The following TNFRSF25 variants were observed in gnomAD, a reference collection of about 807,000 sequenced individuals.
The protein encoded by TNFRSF25 is TNF receptor superfamily member 25.
Under a neutral mutation model 49.4 loss-of-function variants are expected in TNFRSF25, and 28 were observed. That is an observed-to-expected ratio of 0.57 (90% CI 0.42 to 0.78). The LOEUF (loss-of-function observed/expected upper bound fraction) is 0.78. Among genes scored for constraint, TNFRSF25 ranks in the 30% least tolerant of loss-of-function variants. The pLI is 0.00. For synonymous variants in TNFRSF25, 240 were observed against 234.2 expected, an observed-to-expected ratio of 1.02 and a Z score of -0.23; for missense variants, 531 against 581.6, an observed-to-expected ratio of 0.91 and a Z score of 0.90.
chr1:6,463,585 GGGT>G, intron 5 of TNFRSF25: 1 of 169,854 alleles, frequency 5.9e-6, no homozygotes, highest in Non-Finnish European at 1.3e-5. Flanking sequence ...AATTAGCCGG[GGGT>G]GGTGGTGGGC....
rs984898719 is a variant in TNFRSF25, at chr1:6,461,907, G to A, written c.925+87C>T. On this transcript the variant is annotated intron_variant, in intron 9 of 9. Transcript: ENST00000356876. This position sits in a 1 kb window ranked among gnomAD's most constrained non-coding sequence, Gnocchi z 6.3. ...TAGGGCGGACTCCGTCAGTTAGGGG[G>A]CAGAAAGGGAACACGTTGTGAAACC... The A allele has an allele frequency of 7.3e-6, 11 of 1,511,274 alleles. No individual in the cohort carries two copies. In the African/African-American group the frequency reaches 8.3e-5, roughly 11 times the overall value. The allele number at this position is 1,511,274 out of a possible 1,614,324, so 93.6% of individuals were successfully genotyped here.
chr1:6,462,496 A>C lies in TNFRSF25; in HGVS notation c.744+133T>G, dbSNP rs1644206719. The stretch of plus-strand genomic sequence containing the variant: ...GGCACTGTGCTGGTCTCATCCACTG[A>C]TGACTCTGCTCCCAACACCTCTGTC... On this transcript the variant is annotated intron_variant, in intron 8 of 9. Transcript: ENST00000356876. The surrounding 1 kb of genome is among the most constrained non-coding windows in gnomAD (Gnocchi z 4.2). The C allele has an allele frequency of 6.6e-6, 10 of 1,519,212 alleles. No homozygotes were observed. The highest frequency in any genetic ancestry group is 8.8e-6 in the Non-Finnish European group (10 of 1,136,512). 94.1% of individuals were successfully genotyped at this position (1,519,212 alleles called of 1,614,324 possible). A position where few individuals can be genotyped will look rare whatever the true frequency, so the allele number is the denominator to read the frequency against.
chr1:6,461,768 G>T lies in TNFRSF25; in HGVS notation c.926-6C>A. ...TGTGGGCGCAGCAGCGGGGCCTGGGGCAGGGCCAGAGAGAGCCAATTGGGG... is the reference window on the plus strand; with the variant it reads ...TGTGGGCGCAGCAGCGGGGCCTGGGTCAGGGCCAGAGAGAGCCAATTGGGG... On this transcript the variant is annotated splice_polypyrimidine_tract_variant and splice_region_variant and intron_variant, in intron 9 of 9. Coordinates refer to ENST00000356876, the MANE Select transcript of TNFRSF25 (RefSeq NM_003790.3). This position sits in a 1 kb window ranked among gnomAD's most constrained non-coding sequence, Gnocchi z 6.3. 6.6e-7 allele frequency: 1 copy of T among 1,516,026 alleles called. No individual in the cohort carries two copies. The allele number at this position is 1,516,026 out of a possible 1,614,324, so 93.9% of individuals were successfully genotyped here.
Position 6,465,227 on chromosome 1 carries a change from G to A in TNFRSF25, c.161-5C>T. ...AAGGGGCCTTCAGGTAGTGCCCTGT[G>A]GAACCAGGCAGGGGTCAGGCAGGCA... On this transcript the variant is annotated splice_region_variant and splice_polypyrimidine_tract_variant and intron_variant, in intron 2 of 9. Coordinates refer to ENST00000356876, the MANE Select transcript of TNFRSF25 (RefSeq NM_003790.3). The A allele has an allele frequency of 6.2e-7, 1 of 1,606,678 alleles. No individual in the cohort carries two copies. The highest frequency in any genetic ancestry group is 8.5e-7 in the Non-Finnish European group (1 of 1,177,148).
Position 6,464,670 on chromosome 1 carries a change from A to T in TNFRSF25, c.345T>A (p.Cys115Ter). The change falls in exon 4 of 10, where the codon TGT becomes TGA. Residue 115 changes from cysteine (C) to a stop codon, truncating the protein, a stop_gained. Coordinates refer to ENST00000356876, the MANE Select transcript of TNFRSF25 (RefSeq NM_003790.3). LOFTEE classifies it high-confidence loss of function. ...CCACAAACCAGCCTGGCTTACAGCC[A>T]CAGCGGGTGTCGGCCACTGCTGAAC... ...ENCSAVADTRCGCKPGWFVEC... is the reference protein window; with the variant it reads ...ENCSAVADTR 1 of 1,614,038 alleles carries T rather than the reference A, an allele frequency of 6.2e-7. No individual in the cohort carries two copies. Among genetic ancestry groups the T allele is most frequent in the Non-Finnish European group, 8.5e-7 (1 of 1,180,038 alleles).
chr1:6,464,773 C>A, intron 3 of TNFRSF25, 54 bp from the exon 4 acceptor site: 1 of 1,585,812 alleles, frequency 6.3e-7, no homozygotes, highest in Non-Finnish European at 8.6e-7. Flanking sequence ...GCCAAAGGCT[C>A]CCATGGAGAG....
At chr1:6,465,631 A>G in intron 1 of TNFRSF25, 71 bp from the exon 2 acceptor site, 5 of 1,550,854 alleles carry the variant, frequency 3.2e-6, no homozygotes, top group Non-Finnish European at 3.5e-6. Flanking sequence ...CGTCTCCTCC[A>G]TTTCAGAGGC....
Position 6,463,080 on chromosome 1 carries a change from C to T in TNFRSF25, c.590G>A (p.Trp197Ter). Reference sequence around the variant, plus strand: ...CCCAGCACACCACCTACTCTGCCTCCAGCCACAGACAGCGGCACAGCGCTC... The same window carrying T: ...CCCAGCACACCACCTACTCTGCCTCTAGCCACAGACAGCGGCACAGCGCTC... ...CPERCAAVCGWRQMFWVQVLL... is the reference protein window; with the variant it reads ...CPERCAAVCG Residue 197 changes from tryptophan (W) to a stop codon, truncating the protein, a stop_gained, in exon 6 of 10, where the codon TGG becomes TAG. Transcript: ENST00000356876. LOFTEE classifies it high-confidence loss of function. 6.4e-7 allele frequency: 1 copy of T among 1,551,932 alleles called. No individual in the cohort carries two copies. The highest frequency in any genetic ancestry group is 8.7e-7 in the Non-Finnish European group (1 of 1,147,116).
intron 2 of TNFRSF25, 21 bp from the exon 3 acceptor site, chr1:6,465,243 C>T (rs1315840870): frequency 1.3e-6 from 2 of 1,597,602 alleles, no homozygotes; most frequent in Non-Finnish European, 1.7e-6. Context: ...AGGCAGGGGT[C>T]AGGCAGGCAG....
chr1:6,463,553 C>T (rs45519445), intron 5 of TNFRSF25: 10 of 173,800 alleles, frequency 5.8e-5, no homozygotes, highest in East Asian at 3.2e-4. Flanking sequence ...GGTGAAACCC[C>T]GTCTCTACTA....
Position 6,461,611 on chromosome 1 carries a change from T to C in TNFRSF25, c.1077A>G (p.Ala359=), listed in dbSNP as rs1211961727. ...TCTCCACCTCCACGGCTTCGATCTC[T>C]GCCTCGCGCAGCCCCAGCGTGCGCA... The part of the protein sequence containing the change: ...EFVRTLGLRE[A]EIEAVEVEIG... The change falls in exon 10 of 10, where the codon GCA becomes GCG. Residue 359 remains alanine, a synonymous_variant. Transcript: ENST00000356876. The surrounding 1 kb of genome is among the most constrained non-coding windows in gnomAD (Gnocchi z 6.3). The C allele has an allele frequency of 6.2e-7, 1 of 1,609,830 alleles. No individual in the cohort carries two copies. Among genetic ancestry groups the C allele is most frequent in the Non-Finnish European group, 8.5e-7 (1 of 1,179,362 alleles).
At chr1:6,463,027 G>C (rs765819693) in intron 6 of TNFRSF25, 45 bp downstream of exon 6, 6 of 1,553,528 alleles carry the variant, frequency 3.9e-6, no homozygotes, top group Non-Finnish European at 5.2e-6. Context: ...GCCTCCCCTC[G>C]GTCCATCCCA....
chr1:6,465,526 T>A lies in TNFRSF25; in HGVS notation c.74A>T (p.Gln25Leu), dbSNP rs1365367118. 1.2e-6 allele frequency: 2 copies of A among 1,613,396 alleles called. No individual in the cohort carries two copies. Among genetic ancestry groups the A allele is most frequent in the African/African-American group, 2.7e-5 (2 of 74,920 alleles). Reference protein sequence around the residue: ...LLLVLLGARAQGGTRSPRCDC... With the variant: ...LLLVLLGARALGGTRSPRCDC... ...ACACCTGGGGCTACGAGTGCCGCCC[T>A]GGGCCCGGGCCCCCAGCAGCACCAG... Residue 25 changes from glutamine (Q) to leucine (L), a missense_variant, in exon 2 of 10, where the codon CAG becomes CTG. By Grantham distance (113) the Gln-to-Leu change is moderately radical (BLOSUM62 -2). Coordinates refer to ENST00000356876, the MANE Select transcript of TNFRSF25 (RefSeq NM_003790.3).
Position 6,463,116 on chromosome 1 carries a change from C to CTGCTGT in TNFRSF25, c.553_554insACAGCA (p.Gly185delinsAspSerArg), listed in dbSNP as rs1410935975. 1.3e-6 allele frequency: 2 copies of CTGCTGT among 1,551,610 alleles called. No homozygotes were observed. The highest frequency in any genetic ancestry group is 1.7e-6 in the Non-Finnish European group (2 of 1,146,996). The stretch of plus-strand genomic sequence containing the variant: ...AGCGGCACAGCGCTCTGGACAGCTC[C>CTGCTGT]CCAGGGTGCTCCTGCAAGGGACGGG... On this transcript the variant is annotated protein_altering_variant, in exon 6 of 10. Transcript: ENST00000356876.
Position 6,462,162 on chromosome 1 carries a change from A to T in TNFRSF25, c.757T>A (p.Ser253Thr). 6.2e-7 allele frequency: 1 copy of T among 1,602,420 alleles called. No homozygotes were observed. Among genetic ancestry groups the T allele is most frequent in the Non-Finnish European group, 8.5e-7 (1 of 1,174,512 alleles). Residue 253 changes from serine to threonine, a missense_variant, in exon 9 of 10, where the codon TCA becomes ACA. Ser to Thr is a moderately conservative substitution (Grantham distance 58). Transcript: ENST00000356876. This position sits in a 1 kb window ranked among gnomAD's most constrained non-coding sequence, Gnocchi z 4.2. Reference protein sequence around the residue: ...ALTPPPATHLSPLDSAHTLLA... With the variant: ...ALTPPPATHLTPLDSAHTLLA... The stretch of plus-strand genomic sequence containing the variant: ...AGGGTGTGGGCGCTGTCCAAGGGTG[A>T]CAGATGGGTGGCCTGGAAGCCAAGA...
At chr1:6,465,953 G>A (rs961571294) in intron 1 of TNFRSF25, 116 bp downstream of exon 1, 20 of 1,462,366 alleles carry the variant, frequency 1.4e-5, no homozygotes, top group South Asian at 2.7e-5. Flanking sequence ...CGGAAAGGGC[G>A]GCCAACCCAG....
Position 6,461,737 on chromosome 1 carries a change from C to T in TNFRSF25, c.951G>A (p.Ser317=), listed in dbSNP as rs769339038. ...ALGPAAAPTL[S]PESPAGSPAM... ...CTGGCGAGCCGGCTGGGGACTCTGGCGAGAGTGTGGGCGCAGCAGCGGGGC... is the reference window on the plus strand; with the variant it reads ...CTGGCGAGCCGGCTGGGGACTCTGGTGAGAGTGTGGGCGCAGCAGCGGGGC... The change falls in exon 10 of 10, where the codon TCG becomes TCA. Residue 317 remains serine (S), a synonymous_variant. Transcript: ENST00000356876. The surrounding 1 kb of genome is among the most constrained non-coding windows in gnomAD (Gnocchi z 6.3). 11 of 1,542,106 alleles carry T rather than the reference C, an allele frequency of 7.1e-6. No individual in the cohort carries two copies. In the African/African-American group the frequency reaches 1.4e-4, roughly 19 times the overall value.
At chr1:6,463,688 T>A (rs1051600393) in intron 5 of TNFRSF25, 2 of 126,262 alleles carry the variant, frequency 1.6e-5, no homozygotes, top group African/African-American at 6.3e-5. Flanking sequence ...ATCGTGCCAC[T>A]GCACTCCAGC....
intron 1 of TNFRSF25, 55 bp from the exon 2 acceptor site, chr1:6,465,615 C>G: frequency 2.5e-6 from 4 of 1,574,446 alleles, no homozygotes; most frequent in Non-Finnish European, 3.5e-6. Flanking sequence ...GGGCCTCTCC[C>G]TGCTGCGTCT....
Sources: gnomAD v4.1 joint callset for allele counts on GRCh38, gnomAD v4.1.1 for gene constraint, Gnocchi (gnomAD v3.1) non-coding constraint, MANE v1.5 for transcripts, NCBI Gene and HGNC (gene_info 2026-07-23, HGNC 2026-07-21) for gene names.